The following PAX1 variants were observed in gnomAD, a reference collection of about 807,000 sequenced individuals.
PAX1 encodes the protein paired box protein Pax-1.
Under a neutral mutation model 35.6 loss-of-function variants are expected in PAX1, and 18 were observed. The ratio of observed to expected loss-of-function variants is 0.50; its 90% CI spans 0.35 to 0.75. PAX1 has a LOEUF of 0.75. PAX1 is among the 30% of genes least tolerant of loss of function. The pLI, the probability that PAX1 is intolerant of heterozygous loss-of-function variation, is 0.01. For synonymous variants in PAX1, 397 were observed against 305.2 expected (o/e 1.30, Z -3.14); for missense variants, 760 against 661.5 (o/e 1.15, Z -1.63).
chr20:21,707,949 C>A (rs1169733430), intron 2 of PAX1, among the ~76,000 whole-genome samples: 1 of 152,148 alleles, frequency 6.6e-6, no homozygotes, highest in Non-Finnish European at 1.5e-5. Flanking sequence ...TCTAACCCAG[C>A]CTAAGGCTAA....
chr20:21,708,771 A>G, intron 3 of PAX1, 71 bp downstream of exon 3: 6 of 1,538,236 alleles, frequency 3.9e-6, no homozygotes, highest in Non-Finnish European at 5.4e-6. Flanking sequence ...GGGGAAAAAG[A>G]GAGAGAAAGA....
At chr20:21,711,083 C>T (rs374534137) in intron 4 of PAX1, among the ~76,000 whole-genome samples, 3 of 152,106 alleles carry the variant, frequency 2.0e-5, no homozygotes, top group African/African-American at 2.4e-5. Flanking sequence ...GGTTATCTGT[C>T]GAAATCGAAA....
At position 21,705,844 on chromosome 20, in the gene PAX1, G is replaced by T. The variant is rs1183668859; in HGVS notation, c.132G>T (p.Arg44=). 8 of 1,371,348 alleles carry T rather than the reference G, an allele frequency of 5.8e-6. No homozygotes were observed. The African/African-American group carries it at 7.6e-5, about 13-fold the overall frequency. The allele number at this position is 1,371,348 out of a possible 1,614,324, so 84.9% of individuals were successfully genotyped here. Residue 44 remains arginine, a synonymous_variant, in exon 1 of 5, where the codon CGG becomes CGT. Coordinates refer to ENST00000613128, the MANE Select transcript of PAX1 (RefSeq NM_001257096.2). ...GCGCACAGCGCGTCTCCAGCCCGCGGCTGGGCCGCCGCGGCTCTCGGCTCT... is the reference window on the plus strand; with the variant it reads ...GCGCACAGCGCGTCTCCAGCCCGCGTCTGGGCCGCCGCGGCTCTCGGCTCT... ...RCRAQRVSSP[R]LGRRGSRLSG...
chr20:21,714,301 G>A (rs1383425055), intron 4 of PAX1, among the ~76,000 whole-genome samples, 170 bp from the exon 5 acceptor site: 1 of 152,174 alleles, frequency 6.6e-6, no homozygotes, highest in Non-Finnish European at 1.5e-5. Context: ...AGGGCTGGTC[G>A]CCCACGGAAG....
At chr20:21,709,526 G>A in intron 4 of PAX1, 82 bp downstream of exon 4, 9 of 1,113,542 alleles carry the variant, frequency 8.1e-6, no homozygotes, top group East Asian at 2.6e-5. Flanking sequence ...CCTGGGAAAA[G>A]GGAGAGCGGG....
rs144046000 is a variant in PAX1, at chr20:21,707,086, C to T, written c.916+19C>T. Reference sequence around the variant, plus strand: ...CAAACAGGTCAGTTGTGGCGGCCTCCGTAGCCTTCTATTAAGGGGCAGAAC... The same window carrying T: ...CAAACAGGTCAGTTGTGGCGGCCTCTGTAGCCTTCTATTAAGGGGCAGAAC... On this transcript the variant is annotated intron_variant, in intron 2 of 4. Coordinates refer to ENST00000613128, the MANE Select transcript of PAX1 (RefSeq NM_001257096.2). 1.1e-4 allele frequency: 180 copies of T among 1,612,954 alleles called. 2 individuals are homozygous for T. The Middle Eastern group carries it at 2.0e-3, about 18-fold the overall frequency.
At chr20:21,708,073 T>C (rs1386712673) in intron 2 of PAX1, among the ~76,000 whole-genome samples, 1 of 152,240 alleles carries the variant, frequency 6.6e-6, no homozygotes, top group Non-Finnish European at 1.5e-5. Flanking sequence ...AGCTGTGTGC[T>C]TCTATCTGAC....
At chr20:21,707,164 C>G in intron 2 of PAX1, 97 bp downstream of exon 2, 1 of 1,486,622 alleles carries the variant, frequency 6.7e-7, no homozygotes, top group Non-Finnish European at 9.2e-7. Flanking sequence ...CCTCCCGGGA[C>G]CGGTTCTGGC....
intron 4 of PAX1, among the ~76,000 whole-genome samples, chr20:21,714,002 G>A (rs1463357316): frequency 6.6e-6 from 1 of 152,256 alleles, no homozygotes; most frequent in Non-Finnish European, 1.5e-5. Context: ...GCGGGTGTCA[G>A]CGGACTCGAC....
rs570518877 is a variant in PAX1 at position 21,715,197 on chromosome 20, C to G, written c.*635C>G. ...GGCCCTAGTTCCCTTTGTTTTACTG[C>G]TTCCCCAACCCTCCCTCAGTCCCTG... is the stretch of plus-strand genomic sequence containing the variant. On this transcript the variant is annotated 3_prime_UTR_variant, in exon 5 of 5. Transcript: ENST00000613128. 24 of 262,768 alleles carry G rather than the reference C, an allele frequency of 9.1e-5. No individual in the cohort carries two copies. The highest frequency in any genetic ancestry group is 1.5e-4 in the Non-Finnish European group (20 of 136,688). The allele number at this position is 262,768 out of a possible 1,614,324, so 16.3% of individuals were successfully genotyped here.
rs757987532 is a variant in PAX1, at chr20:21,709,224, G to A, written c.1062G>A (p.Ser354=). The A allele has an allele frequency of 6.2e-7, 1 of 1,605,172 alleles. No homozygotes were observed. Among genetic ancestry groups the A allele is most frequent in the East Asian group, 2.2e-5 (1 of 44,852 alleles). Reference sequence around the variant, plus strand: ...ACGGTCCCTCTCTATCCCCACAGTCGGCCTCCACCCTCTCTGCCGTGGGCG... The same window carrying A: ...ACGGTCCCTCTCTATCCCCACAGTCAGCCTCCACCCTCTCTGCCGTGGGCG... ...ALEADIKYTQ[S]ASTLSAVGGF... The change falls in exon 4 of 5, where the codon TCG becomes TCA. Residue 354 remains serine (S), a splice_region_variant and synonymous_variant. Transcript: ENST00000613128.
intron 4 of PAX1, among the ~76,000 whole-genome samples, chr20:21,713,428 T>C (rs1427041084): frequency 6.7e-6 from 1 of 149,866 alleles, no homozygotes; most frequent in Non-Finnish European, 1.5e-5. Flanking sequence ...CAGAGGTGGT[T>C]GGCCCAGCTC....
At position 21,717,367 on chromosome 20, in the gene PAX1, A is replaced by G. The variant is rs529317383; in HGVS notation, c.*2805A>G. The G allele has an allele frequency of 6.6e-6, 1 of 152,360 alleles. No individual in the cohort carries two copies. The highest frequency in any genetic ancestry group is 1.9e-4 in the East Asian group (1 of 5,176). 9.4% of individuals were successfully genotyped at this position (152,360 alleles called of 1,614,324 possible). A position where few individuals can be genotyped will look rare whatever the true frequency, so the allele number is the denominator to read the frequency against. On this transcript the variant is annotated 3_prime_UTR_variant, in exon 5 of 5. Coordinates refer to ENST00000613128, the MANE Select transcript of PAX1 (RefSeq NM_001257096.2). ...GGGACCTCTTGGAACCTGTCTGTGA[A>G]ATGTAGCCTTCAATGCAGTAACGCG...
intron 4 of PAX1, among the ~76,000 whole-genome samples, chr20:21,713,219 C>A (rs1253264191): frequency 6.6e-6 from 1 of 152,164 alleles, no homozygotes; most frequent in Non-Finnish European, 1.5e-5. Flanking sequence ...AAGTGTGTGT[C>A]CACGGTAGAA....
chr20:21,711,387 G>A (rs1398057791), intron 4 of PAX1, among the ~76,000 whole-genome samples: 1 of 152,246 alleles, frequency 6.6e-6, no homozygotes, highest in African/African-American at 2.4e-5. Flanking sequence ...TGTGGTGGAA[G>A]TTGCGGGGAA....
Position 21,705,911 on chromosome 20 carries a change from G to C in PAX1, c.199G>C (p.Ala67Pro), listed in dbSNP as rs1310355466. Residue 67 changes from alanine to proline, a missense_variant, in exon 1 of 5, where the codon GCC (alanine) becomes CCC (proline). Around this residue, in one of 3 missense-constraint regions of PAX1, gnomAD observed 222 missense variants for 153.0 expected, o/e 1.45. Transcript: ENST00000613128. ...ATGCCTCTCACGCGGCGGCGGCGGC[G>C]CCCAAGCTCTCCCGGACTGCGCCGG... ...PLCLSRGGGG[A>P]QALPDCAGPS... 9 of 1,405,708 alleles carry C rather than the reference G, an allele frequency of 6.4e-6. No homozygotes were observed. In the East Asian group the frequency reaches 2.8e-4, roughly 44 times the overall value. 87.1% of individuals were successfully genotyped at this position (1,405,708 alleles called of 1,614,324 possible).
chr20:21,709,914 C>A (rs999354300), intron 4 of PAX1, among the ~76,000 whole-genome samples: 3 of 152,120 alleles, frequency 2.0e-5, no homozygotes, highest in African/African-American at 7.2e-5. Context: ...CATCCCCAGA[C>A]CCTTCCCGTC....
intron 2 of PAX1, among the ~76,000 whole-genome samples, chr20:21,707,435 G>A (rs1249288004): frequency 5.3e-5 from 8 of 151,980 alleles, no homozygotes; most frequent in Non-Finnish European, 1.2e-4. Context: ...AATCCTTCAC[G>A]ATTTCCCAAG....
rs1383572973 is a variant in PAX1 at position 21,714,796 on chromosome 20, G to A, written c.*234G>A. 1 of 1,599,784 alleles carries A rather than the reference G, an allele frequency of 6.3e-7. No homozygotes were observed. Among genetic ancestry groups the A allele is most frequent in the South Asian group, 1.1e-5 (1 of 91,060 alleles). ...GGGTTTTTAGGCTTCTCTGAACTTG[G>A]GTTTTAGACTGCCGTACCCTCCTCA... On this transcript the variant is annotated 3_prime_UTR_variant, in exon 5 of 5. Transcript: ENST00000613128.
Sources: gnomAD v4.1 joint callset for allele counts (sites outside exome capture counted in the v4.1 genomes callset) on GRCh38, gnomAD v4.1.1 for gene constraint, gnomAD v4.1.1 regional missense constraint, MANE v1.5 for transcripts, NCBI Gene and HGNC (gene_info 2026-07-23, HGNC 2026-07-21) for gene names.